ARB2A: variants seen among roughly 807,000 people sequenced by gnomAD.
ARB2A encodes the protein cotranscriptional regulator ARB2A.
At chr5:93,968,761 A>C in the ARB2A span, among the ~76,000 whole-genome samples, 1 of 152,052 alleles carries the variant, frequency 6.6e-6, no homozygotes, top group African/African-American at 2.4e-5. Context: ...AAACAAAAAA[A>C]ACTATACCTT....
chr5:93,672,648 A>C, the ARB2A span, among the ~76,000 whole-genome samples: 1 of 152,160 alleles, frequency 6.6e-6, no homozygotes, highest in Non-Finnish European at 1.5e-5. Flanking sequence ...ATTTAAGCTA[A>C]TGAGATAAAG....
At chr5:93,650,871 A>G in the ARB2A span, among the ~76,000 whole-genome samples, 1 of 151,992 alleles carries the variant, frequency 6.6e-6, no homozygotes, top group South Asian at 2.1e-4. Flanking sequence ...GCATGCCTAT[A>G]AACCCAGCTT....
chr5:93,987,559 T>C, the ARB2A span, among the ~76,000 whole-genome samples: 3 of 152,278 alleles, frequency 2.0e-5, no homozygotes, highest in East Asian at 1.9e-4. Context: ...ACTTCATTCT[T>C]GTGGGGTACA....
the ARB2A span, among the ~76,000 whole-genome samples, chr5:93,727,631 T>C: frequency 6.6e-6 from 1 of 152,028 alleles, no homozygotes; most frequent in Non-Finnish European, 1.5e-5. Flanking sequence ...AATTGCCCAG[T>C]GGAATGCACT....
the ARB2A span, among the ~76,000 whole-genome samples, chr5:93,889,853 T>C: frequency 0.017 from 2,607 of 152,034 alleles, 27 homozygotes; most frequent in Middle Eastern, 0.058. Flanking sequence ...GTAAAAACTT[T>C]GTTAAAATAT....
the ARB2A span, chr5:93,784,159 T>G: frequency 2.2e-6 from 1 of 451,498 alleles, no homozygotes; most frequent in African/African-American, 2.0e-5. Flanking sequence ...ACATATAGTG[T>G]TCTATAGAAA....
the ARB2A span, among the ~76,000 whole-genome samples, chr5:94,096,989 C>A: frequency 6.6e-6 from 1 of 152,214 alleles, no homozygotes; most frequent in South Asian, 2.1e-4. Flanking sequence ...CCCATGGACA[C>A]TTGAGCTGGC....
chr5:93,825,628 G>T, the ARB2A span, among the ~76,000 whole-genome samples: 2 of 152,090 alleles, frequency 1.3e-5, no homozygotes, highest in African/African-American at 4.8e-5. Flanking sequence ...TAGCAAGTTA[G>T]TAAGAGTTTA....
At chr5:93,966,893 C>G in the ARB2A span, among the ~76,000 whole-genome samples, 1 of 152,016 alleles carries the variant, frequency 6.6e-6, no homozygotes, top group Non-Finnish European at 1.5e-5. Context: ...CGGTCTCCTA[C>G]CTTTATTCCT....
chr5:93,686,792 T>C, the ARB2A span, among the ~76,000 whole-genome samples: 2 of 152,112 alleles, frequency 1.3e-5, no homozygotes, highest in Non-Finnish European at 2.9e-5. Context: ...CCCTCAACAT[T>C]GTTCAGCCAT....
chr5:93,975,106 A>T, the ARB2A span, among the ~76,000 whole-genome samples: 1 of 152,014 alleles, frequency 6.6e-6, no homozygotes, highest in Non-Finnish European at 1.5e-5. Flanking sequence ...AGAGATCAGG[A>T]GATGGAGACC....
the ARB2A span, among the ~76,000 whole-genome samples, chr5:93,707,207 A>G: frequency 6.6e-6 from 1 of 152,178 alleles, no homozygotes; most frequent in African/African-American, 2.4e-5. Context: ...TGTCAACAAA[A>G]TTTTACTGAA....
chr5:93,958,685 G>A, the ARB2A span: 1 of 865,044 alleles, frequency 1.2e-6, no homozygotes. Flanking sequence ...ATAAGATTAT[G>A]CTTAGGATAT....
At chr5:94,101,751 T>C in the ARB2A span, among the ~76,000 whole-genome samples, 1 of 151,986 alleles carries the variant, frequency 6.6e-6, no homozygotes, top group Non-Finnish European at 1.5e-5. Flanking sequence ...TGAGAACTCA[T>C]GAACATAAAG....
chr5:93,843,297 G>A, the ARB2A span, among the ~76,000 whole-genome samples: 16 of 151,892 alleles, frequency 1.1e-4, no homozygotes, highest in African/African-American at 3.9e-4. Context: ...AAAATATAGA[G>A]TCCTGAACAA....
the ARB2A span, among the ~76,000 whole-genome samples, chr5:93,693,772 C>T: frequency 9.3e-4 from 142 of 152,262 alleles, 2 homozygotes; most frequent in Admixed American, 4.1e-3. Context: ...CTCTCATGAA[C>T]ATCGATGCGA....
the ARB2A span, among the ~76,000 whole-genome samples, chr5:93,791,942 A>G: frequency 1.3e-5 from 2 of 149,452 alleles, no homozygotes; most frequent in East Asian, 2.0e-4. Flanking sequence ...AAAGAAAAGG[A>G]AAAAAAAAAG....
the ARB2A span, among the ~76,000 whole-genome samples, chr5:93,639,873 C>T: frequency 6.6e-6 from 1 of 150,394 alleles, no homozygotes; most frequent in Non-Finnish European, 1.5e-5. Context: ...GGTGAAACCT[C>T]GTCTCTACTA....
chr5:94,090,219 TCTC>T, the ARB2A span, among the ~76,000 whole-genome samples: 20 of 152,308 alleles, frequency 1.3e-4, no homozygotes, highest in African/African-American at 4.1e-4. Context: ...GGTTTGTAGT[TCTC>T]CTTGAAGAAG....
Sources: allele counts gnomAD v4.1 joint callset (sites outside exome capture counted in the v4.1 genomes callset), GRCh38; gene constraint gnomAD v4.1.1; transcripts MANE v1.5; gene names NCBI Gene and HGNC (gene_info 2026-07-23, HGNC 2026-07-21).